UNC80: variants seen among roughly 807,000 people sequenced by gnomAD.
UNC80 encodes the protein protein unc-80 homolog.
In UNC80, 164 loss-of-function variants were observed where a neutral mutation model predicts 384.6. That is an observed-to-expected ratio of 0.43 (90% confidence interval 0.38 to 0.49). The LOEUF (loss-of-function observed/expected upper bound fraction) is 0.49. UNC80 is among the 20% of genes least tolerant of loss of function. UNC80 has a pLI of 0.00. For synonymous variants in UNC80, 1,486 were observed against 1,527.8 expected (o/e 0.97, Z 0.64); for missense variants, 3,330 against 4,143.0 (o/e 0.80, Z 5.39).
chr2:209,825,837 G>A, intron 13 of UNC80, 70 bp from the exon 14 acceptor site: 1 of 1,342,638 alleles, frequency 7.4e-7, no homozygotes, highest in Non-Finnish European at 9.7e-7. Context: ...TCATACAATA[G>A]AATCTTAGCA....
rs116860163 is a variant in UNC80 at position 209,937,358 on chromosome 2, C to T, written c.6364-171C>T. Among the ~76,000 whole-genome samples the T allele has an allele frequency of 8.7e-4, 133 of 152,296 alleles. 1 individual carries two copies. In the East Asian group the frequency reaches 0.02, roughly 23 times the overall value. On this transcript the variant is annotated intron_variant, in intron 41 of 64. Coordinates refer to ENST00000673920, the MANE Select transcript of UNC80 (RefSeq NM_001371986.1). ...ATGAGCAGAAGGGCCTCAGGATGCT[C>T]GCTGACATCACTTTACAGTGATCTT... is the stretch of plus-strand genomic sequence containing the variant.
At chr2:209,896,185 A>G (rs753457031) in intron 27 of UNC80, 128 bp from the exon 28 acceptor site, 27 of 767,852 alleles carry the variant, frequency 3.5e-5, no homozygotes, top group Non-Finnish European at 5.4e-5. Context: ...AGTCAATGCT[A>G]TGCCCTGTAA....
At chr2:209,865,166 T>C (rs1025425614) in intron 22 of UNC80, among the ~76,000 whole-genome samples, 1 of 152,110 alleles carries the variant, frequency 6.6e-6, no homozygotes, top group Non-Finnish European at 1.5e-5. Context: ...CACGGCAGCC[T>C]CTTAGTTCTG....
chr2:209,901,403 G>A (rs1278298728), intron 28 of UNC80, among the ~76,000 whole-genome samples: 1 of 152,112 alleles, frequency 6.6e-6, no homozygotes, highest in African/African-American at 2.4e-5. Flanking sequence ...TTCACAGCAT[G>A]GTTTCCTGAG....
At chr2:209,869,304 T>C (rs1474414249) in intron 22 of UNC80, 1 of 152,168 alleles carries the variant, frequency 6.6e-6, no homozygotes, top group Non-Finnish European at 1.5e-5. Flanking sequence ...TCCAAGGTAT[T>C]CCATAACCCT....
chr2:209,808,282 G>T (rs1020408758), intron 7 of UNC80, among the ~76,000 whole-genome samples: 1 of 124,068 alleles, frequency 8.1e-6, no homozygotes, highest in Non-Finnish European at 2.0e-5. Flanking sequence ...AGTGTTCAAG[G>T]CTGGGCGTGG....
chr2:209,903,126 A>G (rs1031931746), intron 28 of UNC80, among the ~76,000 whole-genome samples: 3 of 151,876 alleles, frequency 2.0e-5, no homozygotes, highest in South Asian at 4.2e-4. Flanking sequence ...TGTAAATTCC[A>G]TATAAGTAGT....
chr2:209,944,598 A>G (rs2091821150), intron 45 of UNC80, among the ~76,000 whole-genome samples: 1 of 152,198 alleles, frequency 6.6e-6, no homozygotes, highest in Non-Finnish European at 1.5e-5. Context: ...GCCATTTTAA[A>G]TAGATTTAAA....
In UNC80 at chr2:209,976,782, G is replaced by A; in HGVS notation, c.8773-131G>A. On this transcript the variant is annotated intron_variant, in intron 57 of 64. Coordinates refer to ENST00000673920, the MANE Select transcript of UNC80 (RefSeq NM_001371986.1). The surrounding 1 kb of genome is among the most constrained non-coding windows in gnomAD (Gnocchi z 4.3). The stretch of plus-strand genomic sequence containing the variant: ...GATGTAATTATTAAGCACTTCCTGT[G>A]TAAAGTGCCGTTCTAGGAACATCAC... The A allele has an allele frequency of 4.8e-6, 5 of 1,034,350 alleles. No homozygotes were observed. Among genetic ancestry groups the A allele is most frequent in the Non-Finnish European group, 6.8e-6 (5 of 736,138 alleles). 64.1% of individuals were successfully genotyped at this position (1,034,350 alleles called of 1,614,324 possible).
intron 31 of UNC80, among the ~76,000 whole-genome samples, chr2:209,916,500 G>A (rs531955795): frequency 3.5e-4 from 53 of 152,280 alleles, no homozygotes; most frequent in Non-Finnish European, 5.7e-4. Flanking sequence ...TAAATAATGA[G>A]CCTAGTGTTT....
chr2:209,894,376 A>T lies in UNC80; in HGVS notation c.4480+10A>T. Reference sequence around the variant, plus strand: ...ACTGTCACTGACCTAGGTAACATAGAGGAGTGGGGTGTGCAGGGACGTGGG... The same window carrying T: ...ACTGTCACTGACCTAGGTAACATAGTGGAGTGGGGTGTGCAGGGACGTGGG... On this transcript the variant is annotated intron_variant, in intron 27 of 64. Transcript: ENST00000673920. The T allele has an allele frequency of 1.0e-6, 1 of 985,170 alleles. No individual in the cohort carries two copies. The highest frequency in any genetic ancestry group is 1.2e-6 in the Non-Finnish European group (1 of 829,766). 61.0% of individuals were successfully genotyped at this position (985,170 alleles called of 1,614,324 possible). A position where few individuals can be genotyped will look rare whatever the true frequency, so the allele number is the denominator to read the frequency against.
intron 22 of UNC80, among the ~76,000 whole-genome samples, chr2:209,864,275 A>G (rs9973787): frequency 0.16 from 24,480 of 151,800 alleles, 2,590 homozygotes; most frequent in African/African-American, 0.29. Context: ...CAGTAGGATC[A>G]CCCCTTTATA....
chr2:209,981,254 G>A (rs1237228579), intron 59 of UNC80, among the ~76,000 whole-genome samples: 1 of 152,238 alleles, frequency 6.6e-6, no homozygotes, highest in Non-Finnish European at 1.5e-5. Flanking sequence ...CTGTGCTAAA[G>A]TTAATTTTCA....
intron 14 of UNC80, 45 bp downstream of exon 14, chr2:209,826,098 C>T: frequency 6.6e-7 from 1 of 1,513,522 alleles, no homozygotes; most frequent in Non-Finnish European, 8.9e-7. Context: ...CTCTTCCTTC[C>T]CTTCTGTTTA....
chr2:209,850,450 G>T (rs10194322), intron 22 of UNC80, among the ~76,000 whole-genome samples: 3 of 151,764 alleles, frequency 2.0e-5, no homozygotes, highest in Non-Finnish European at 1.5e-5. Flanking sequence ...TCCTTTTTTC[G>T]GGTTTTATGA....
chr2:209,867,346 T>G (rs1574815026), intron 22 of UNC80, among the ~76,000 whole-genome samples: 1 of 152,254 alleles, frequency 6.6e-6, no homozygotes, highest in East Asian at 1.9e-4. Context: ...CAGAGAGAAT[T>G]TCCATTTATT....
intron 29 of UNC80, among the ~76,000 whole-genome samples, chr2:209,907,304 A>T (rs1331553376): frequency 6.6e-6 from 1 of 151,948 alleles, no homozygotes; most frequent in Non-Finnish European, 1.5e-5. Context: ...AAAAAAAAAA[A>T]AAAAAAATAC....
intron 7 of UNC80, among the ~76,000 whole-genome samples, chr2:209,804,667 G>A (rs13413074): frequency 0.011 from 1,640 of 151,064 alleles, 33 homozygotes; most frequent in African/African-American, 0.038. Context: ...GTGCCCTTAA[G>A]TTTCTTAGAA....
intron 33 of UNC80, 121 bp downstream of exon 33, chr2:209,918,784 A>T: frequency 8.5e-7 from 1 of 1,170,568 alleles, no homozygotes; most frequent in Non-Finnish European, 1.1e-6. Context: ...TCAGCACAAA[A>T]GATCTTTGTC....
Sources: gnomAD v4.1 joint callset for allele counts (sites outside exome capture counted in the v4.1 genomes callset) on GRCh38, gnomAD v4.1.1 for gene constraint, Gnocchi (gnomAD v3.1) non-coding constraint, MANE v1.5 for transcripts, NCBI Gene and HGNC (gene_info 2026-07-23, HGNC 2026-07-21) for gene names.